TNKS: variants seen among roughly 807,000 people sequenced by gnomAD.
TNKS encodes the protein poly [ADP-ribose] polymerase tankyrase-1.
TNKS carries 72 observed loss-of-function variants against 135.8 expected under a neutral mutation model. The ratio of observed to expected loss-of-function variants is 0.53; its 90% CI spans 0.44 to 0.64. The LOEUF is 0.64. TNKS is among the 30% of genes least tolerant of loss of function. The pLI, the probability that TNKS is intolerant of heterozygous loss-of-function variation, is 0.00. For missense variants in TNKS, 1,769 were observed against 1,674.0 expected (o/e 1.06, Z -0.99); for synonymous variants, 849 against 649.3 (o/e 1.31, Z -4.68).
In TNKS at chr8:9,688,679, G is replaced by A. The variant is rs564082839; in HGVS notation, c.1107+7879G>A. Among the ~76,000 whole-genome samples, 217 of 151,886 alleles carry A rather than the reference G, an allele frequency of 1.4e-3. 1 individual carries two copies. The highest frequency in any genetic ancestry group is 5.0e-3 in the African/African-American group (205 of 41,384). ...TTTTGAGACAGAGTCTTGCACTGTC[G>A]CCCAGGCTGGAGTGCAGTGGCACAA... On this transcript the variant is annotated intron_variant, in intron 5 of 26. Transcript: ENST00000310430.
intron 3 of TNKS, among the ~76,000 whole-genome samples, chr8:9,675,324 A>G (rs1029033586): frequency 6.6e-6 from 1 of 152,214 alleles, no homozygotes; most frequent in Admixed American, 6.5e-5. Context: ...TGATGAGAAA[A>G]CATCTATATC....
At chr8:9,568,377 T>C (rs1474809954) in intron 1 of TNKS, among the ~76,000 whole-genome samples, 1 of 152,194 alleles carries the variant, frequency 6.6e-6, no homozygotes, top group African/African-American at 2.4e-5. Flanking sequence ...AAAAATGCAG[T>C]GTTTCTCAAA....
At chr8:9,602,189 C>T (rs57024674) in intron 2 of TNKS, among the ~76,000 whole-genome samples, 14,108 of 152,132 alleles carry the variant, frequency 0.093, 692 homozygotes, top group South Asian at 0.18. Flanking sequence ...GGCAAAAGCC[C>T]GAGCCTGACT....
chr8:9,663,950 A>G (rs1191393360), intron 3 of TNKS, among the ~76,000 whole-genome samples: 1 of 152,064 alleles, frequency 6.6e-6, no homozygotes, highest in African/African-American at 2.4e-5. Context: ...TGATTATATC[A>G]TTCCCTCCCT....
chr8:9,642,611 C>A (rs1337866363), intron 3 of TNKS, among the ~76,000 whole-genome samples: 1 of 145,948 alleles, frequency 6.9e-6, no homozygotes, highest in Non-Finnish European at 1.5e-5. Context: ...TTTCAGTGTT[C>A]TTGAAATAAG....
At chr8:9,673,586 G>C (rs1421183342) in intron 3 of TNKS, among the ~76,000 whole-genome samples, 4 of 151,642 alleles carry the variant, frequency 2.6e-5, no homozygotes, top group Admixed American at 6.6e-5. Context: ...TGGGATTACA[G>C]GCACGTGCCA....
rs543370514 is a variant in TNKS at position 9,694,672 on chromosome 8, G to T, written c.1108-9991G>T. On this transcript the variant is annotated intron_variant, in intron 5 of 26. Transcript: ENST00000310430. ...AGCTGCTTGGGAGGCTGAGGCAGGA[G>T]AATTGCTTGAACTTAGGAGGCGGAG... 2.0e-5 allele frequency among the ~76,000 whole-genome samples: 3 copies of T among 151,588 alleles called. No homozygotes were observed. In the East Asian group the frequency reaches 5.9e-4, roughly 30 times the overall value.
intron 5 of TNKS, among the ~76,000 whole-genome samples, chr8:9,703,652 A>G (rs1466962762): frequency 6.6e-6 from 1 of 152,228 alleles, no homozygotes; most frequent in African/African-American, 2.4e-5. Flanking sequence ...CAATAGTAGT[A>G]CAGTGTTTAG....
At position 9,721,296 on chromosome 8, in the gene TNKS, A is replaced by C. The variant is rs1049018958; in HGVS notation, c.1921+751A>C. Among the ~76,000 whole-genome samples, 146 of 102,910 alleles carry C rather than the reference A, an allele frequency of 1.4e-3. 2 individuals carry two copies. Among genetic ancestry groups the C allele is most frequent in the African/African-American group, 4.5e-3 (134 of 29,804 alleles). 67.5% of individuals were successfully genotyped at this position (102,910 alleles called of 152,430 possible). A position where few individuals can be genotyped will look rare whatever the true frequency, so the allele number is the denominator to read the frequency against. The stretch of plus-strand genomic sequence containing the variant: ...ACTCTGTCTCAAAAATAAATAAATA[A>C]ATTATATATATATATAAAATTATAA... On this transcript the variant is annotated intron_variant, in intron 12 of 26. Transcript: ENST00000310430.
chr8:9,764,541 T>G (rs1284358520), intron 22 of TNKS, among the ~76,000 whole-genome samples, 175 bp from the exon 23 acceptor site: 1 of 152,218 alleles, frequency 6.6e-6, no homozygotes, highest in Admixed American at 6.5e-5. Context: ...AGAAAGTGCA[T>G]AAATTTAATA....
intron 22 of TNKS, among the ~76,000 whole-genome samples, chr8:9,764,499 A>G (rs1302576994): frequency 1.3e-5 from 2 of 152,172 alleles, no homozygotes; most frequent in Non-Finnish European, 2.9e-5. Context: ...GTTTACAGAA[A>G]ACTCTTTCAG....
intron 20 of TNKS, among the ~76,000 whole-genome samples, chr8:9,759,881 A>G (rs1419891424): frequency 6.6e-6 from 1 of 152,154 alleles, no homozygotes; most frequent in Non-Finnish European, 1.5e-5. Context: ...AGGCTGAGGC[A>G]AGAGAATGGC....
intron 12 of TNKS, among the ~76,000 whole-genome samples, chr8:9,723,251 T>C (rs906372058): frequency 1.5e-5 from 2 of 129,318 alleles, no homozygotes; most frequent in Non-Finnish European, 3.4e-5. Flanking sequence ...CTCTGTAGAC[T>C]ATGGACCATG....
intron 11 of TNKS, among the ~76,000 whole-genome samples, chr8:9,710,611 T>G (rs774552167): frequency 9.9e-5 from 15 of 152,166 alleles, no homozygotes; most frequent in Non-Finnish European, 1.8e-4. Flanking sequence ...TAAAAAACAT[T>G]TGTGGCCAGG....
At chr8:9,577,366 T>A (rs146848660) in intron 1 of TNKS, among the ~76,000 whole-genome samples, 1 of 152,204 alleles carries the variant, frequency 6.6e-6, no homozygotes, top group Non-Finnish European at 1.5e-5. Flanking sequence ...TAGTCCGTTC[T>A]TGCATTGCTA....
chr8:9,578,375 A>C (rs1798039314), intron 1 of TNKS, among the ~76,000 whole-genome samples: 1 of 152,214 alleles, frequency 6.6e-6, no homozygotes, highest in East Asian at 1.9e-4. Context: ...AAACAAAACC[A>C]GGAACCCTGG....
At chr8:9,584,728 C>T (rs1424361671) in intron 2 of TNKS, among the ~76,000 whole-genome samples, 1 of 152,236 alleles carries the variant, frequency 6.6e-6, no homozygotes, top group Non-Finnish European at 1.5e-5. Flanking sequence ...TGCCCTCACA[C>T]AGTTTACATG....
At chr8:9,662,769 T>G (rs1366319994) in intron 3 of TNKS, among the ~76,000 whole-genome samples, 1 of 152,084 alleles carries the variant, frequency 6.6e-6, no homozygotes, top group East Asian at 1.9e-4. Context: ...TTAAAAAAAG[T>G]ATGTACTTTT....
chr8:9,610,627 C>T (rs950305112), intron 2 of TNKS, among the ~76,000 whole-genome samples: 2 of 151,950 alleles, frequency 1.3e-5, no homozygotes, highest in Non-Finnish European at 2.9e-5. Flanking sequence ...GAACTTGGTC[C>T]TTTATGTAAT....
Sources: allele counts gnomAD v4.1 joint callset (sites outside exome capture counted in the v4.1 genomes callset), GRCh38; gene constraint gnomAD v4.1.1; transcripts MANE v1.5; gene names NCBI Gene and HGNC (gene_info 2026-07-23, HGNC 2026-07-21).